The following DLGAP2 variants were observed in gnomAD, a reference collection of about 807,000 sequenced individuals.
The protein encoded by DLGAP2 is DLG associated protein 2.
A neutral mutation model predicts 100.3 loss-of-function variants in DLGAP2; 26 were observed. The ratio of observed to expected loss-of-function variants is 0.26; its 90% CI spans 0.19 to 0.36. The LOEUF (loss-of-function observed/expected upper bound fraction) is 0.36. Among genes scored for constraint, DLGAP2 ranks in the 10% least tolerant of loss-of-function variants. DLGAP2 has a pLI of 1.00. For missense variants in DLGAP2, 1,858 were observed against 1,453.2 expected, an observed-to-expected ratio of 1.28 and a Z score of -4.53; for synonymous variants, 886 against 630.1, an observed-to-expected ratio of 1.41 and a Z score of -6.08.
chr8:1,216,477 T>A (rs546043518), intron 2 of DLGAP2, among the ~76,000 whole-genome samples: 2 of 152,004 alleles, frequency 1.3e-5, no homozygotes, highest in South Asian at 4.2e-4. Flanking sequence ...ACCTCCCACG[T>A]ATGTGCCACC....
At chr8:1,521,232 C>A (rs1308440381) in intron 4 of DLGAP2, among the ~76,000 whole-genome samples, 1 of 80,078 alleles carries the variant, frequency 1.2e-5, no homozygotes, top group East Asian at 3.0e-4. Context: ...TGGGGCATCT[C>A]TGGTTTGCAC....
intron 2 of DLGAP2, among the ~76,000 whole-genome samples, chr8:1,054,750 T>C (rs1465477540): frequency 6.6e-6 from 1 of 152,200 alleles, no homozygotes; most frequent in East Asian, 1.9e-4. Flanking sequence ...TGTATTGGTG[T>C]CACGCTGTTG....
Position 946,418 on chromosome 8 carries a change from C to T in DLGAP2, c.73+38452C>T, listed in dbSNP as rs183662261. Among the ~76,000 whole-genome samples, 1,443 of 152,168 alleles carry T rather than the reference C, an allele frequency of 9.5e-3. 15 individuals are homozygous for T. The highest frequency in any genetic ancestry group is 0.016 in the Non-Finnish European group (1,065 of 68,002). ...GTCTGGGACTACAGGCGCCCGCCAC[C>T]ACGCCCGGCTAATTTTTTGTAGTTT... On this transcript the variant is annotated intron_variant, in intron 2 of 14. Transcript: ENST00000637795.
rs558883697 is a variant in DLGAP2 at position 1,681,897 on chromosome 8, G to T, written c.2704+3268G>T. ...CGTTGAAGGCTCTGCCTTCCCAGCA[G>T]TGATCTGGGACTGGGAGTCACGGCC... On this transcript the variant is annotated intron_variant, in intron 12 of 14. Transcript: ENST00000637795. 2.0e-5 allele frequency among the ~76,000 whole-genome samples: 3 copies of T among 147,998 alleles called. No homozygotes were observed. The South Asian group carries it at 6.3e-4, about 31-fold the overall frequency.
At chr8:893,514 T>C (rs1798078640) in intron 1 of DLGAP2, among the ~76,000 whole-genome samples, 1 of 152,174 alleles carries the variant, frequency 6.6e-6, no homozygotes, top group African/African-American at 2.4e-5. Flanking sequence ...ACCTGTCCCA[T>C]GAAGGGGAGG....
At position 1,515,934 on chromosome 8, in the gene DLGAP2, A is replaced by C. The variant is rs565369444; in HGVS notation, c.172+14503A>C. On this transcript the variant is annotated intron_variant, in intron 4 of 14. Transcript: ENST00000637795. Reference sequence around the variant, plus strand: ...AGTTCCCTTAATGGATGAGTGAGTGAATGAGTGCAGGAGGGAATGATCGAG... The same window carrying C: ...AGTTCCCTTAATGGATGAGTGAGTGCATGAGTGCAGGAGGGAATGATCGAG... Among the ~76,000 whole-genome samples the C allele has an allele frequency of 4.4e-3, 673 of 152,352 alleles. 8 individuals carry two copies. Among genetic ancestry groups the C allele is most frequent in the African/African-American group, 0.015 (641 of 41,584 alleles).
chr8:1,067,647 G>T (rs1200636042), intron 2 of DLGAP2, among the ~76,000 whole-genome samples: 1 of 144,690 alleles, frequency 6.9e-6, no homozygotes, highest in Admixed American at 7.0e-5. Context: ...GTGTGTGTGT[G>T]ACTTAATATT....
intron 6 of DLGAP2, among the ~76,000 whole-genome samples, chr8:1,583,024 A>G (rs1795994835): frequency 6.6e-6 from 1 of 152,222 alleles, no homozygotes; most frequent in Non-Finnish European, 1.5e-5. Context: ...TGACCCATTC[A>G]GCATCTGAAC....
rs10573688 is a variant in DLGAP2 at position 1,110,714 on chromosome 8, CTTTT to C, written c.74-148122_74-148119del. ...TCCATTTTCAGGGAAGATTTATAGC[CTTTT>C]TTTTTTTTTTTTTTGAGAGACATTG... On this transcript the variant is annotated intron_variant, in intron 2 of 14. Transcript: ENST00000637795. 5.6e-4 allele frequency among the ~76,000 whole-genome samples: 71 copies of C among 127,852 alleles called. No homozygotes were observed. In the South Asian group the frequency reaches 7.9e-3, roughly 14 times the overall value. The allele number at this position is 127,852 out of a possible 152,430, so 83.9% of individuals were successfully genotyped here.
chr8:1,298,914 G>A (rs921078354), intron 3 of DLGAP2, among the ~76,000 whole-genome samples: 2 of 152,016 alleles, frequency 1.3e-5, no homozygotes, highest in African/African-American at 4.8e-5. Flanking sequence ...GAGAACCCGG[G>A]GGGAGAACCT....
At chr8:1,449,141 C>A (rs776397528) in intron 3 of DLGAP2, among the ~76,000 whole-genome samples, 1 of 152,212 alleles carries the variant, frequency 6.6e-6, no homozygotes, top group Non-Finnish European at 1.5e-5. Context: ...TTCCTCTCAT[C>A]TTCCCCTGAT....
At chr8:1,581,854 C>A (rs1050291384) in intron 6 of DLGAP2, among the ~76,000 whole-genome samples, 7 of 151,070 alleles carry the variant, frequency 4.6e-5, no homozygotes, top group Non-Finnish European at 1.0e-4. Context: ...ACAGACAAAC[C>A]CCCACACATA....
chr8:1,056,654 G>A (rs530658608), intron 2 of DLGAP2, among the ~76,000 whole-genome samples: 1 of 152,348 alleles, frequency 6.6e-6, no homozygotes, highest in East Asian at 1.9e-4. Flanking sequence ...ATTTATACAG[G>A]GATGCGTTAG....
chr8:1,343,673 C>T (rs557121156), intron 3 of DLGAP2, among the ~76,000 whole-genome samples: 1 of 151,368 alleles, frequency 6.6e-6, no homozygotes, highest in Non-Finnish European at 1.5e-5. Flanking sequence ...AATGGTTCCG[C>T]AGTCAGCTTT....
intron 8 of DLGAP2, among the ~76,000 whole-genome samples, chr8:1,656,992 C>G (rs1471386191): frequency 1.3e-5 from 2 of 151,838 alleles, no homozygotes; most frequent in African/African-American, 4.8e-5. Context: ...TTGGAAGACA[C>G]TTAAAAAAAA....
At chr8:1,669,102 CA>C (rs1351613629) in intron 9 of DLGAP2, among the ~76,000 whole-genome samples, 6 of 152,236 alleles carry the variant, frequency 3.9e-5, no homozygotes, top group Admixed American at 6.5e-5. Flanking sequence ...GTGGGGAAAC[CA>C]AAAGGTGCTG....
At chr8:1,648,659 C>G (rs998598838) in intron 8 of DLGAP2, among the ~76,000 whole-genome samples, 1 of 152,154 alleles carries the variant, frequency 6.6e-6, no homozygotes, top group Admixed American at 6.5e-5. Flanking sequence ...AGGACAGGGG[C>G]CGTGTTCTGC....
At chr8:922,295 G>C (rs1798731502) in intron 2 of DLGAP2, among the ~76,000 whole-genome samples, 4 of 152,188 alleles carry the variant, frequency 2.6e-5, no homozygotes, top group Non-Finnish European at 1.5e-5. Context: ...TTCTGAGAGA[G>C]AGAGGTGCTA....
At chr8:1,562,294 G>C (rs1411793392) in intron 5 of DLGAP2, among the ~76,000 whole-genome samples, 1 of 25,278 alleles carries the variant, frequency 4.0e-5, no homozygotes, top group Non-Finnish European at 7.2e-5. Flanking sequence ...CCTCGTTACT[G>C]GGGGACTGTG....
Sources: allele counts gnomAD v4.1 joint callset (sites outside exome capture counted in the v4.1 genomes callset), GRCh38; gene constraint gnomAD v4.1.1; transcripts MANE v1.5; gene names NCBI Gene and HGNC (gene_info 2026-07-23, HGNC 2026-07-21).